The following DOK6 variants were observed in gnomAD, a reference collection of about 807,000 sequenced individuals.
DOK6 encodes the protein downstream of tyrosine kinase 6.
A neutral mutation model predicts 44.0 loss-of-function variants in DOK6; 22 were observed. That is an observed-to-expected ratio of 0.50 (90% CI 0.36 to 0.71). DOK6 has a LOEUF of 0.71. Among genes scored for constraint, DOK6 ranks in the 30% least tolerant of loss-of-function variants. The probability of loss-of-function intolerance (pLI) is 0.00; values close to 1 mark genes in which losing one functional copy is unlikely to be tolerated. For synonymous variants in DOK6, 166 were observed against 145.5 expected, an observed-to-expected ratio of 1.14 and a Z score of -1.01; for missense variants, 340 against 416.4, an observed-to-expected ratio of 0.82 and a Z score of 1.60.
intron 1 of DOK6, among the ~76,000 whole-genome samples, chr18:69,448,330 T>C: frequency 6.6e-6 from 1 of 152,204 alleles, no homozygotes; most frequent in Non-Finnish European, 1.5e-5. Context: ...TACTCTGCCA[T>C]TTGGGTGATG....
intron 5 of DOK6, among the ~76,000 whole-genome samples, chr18:69,709,651 A>C (rs1210658074): frequency 1.3e-5 from 2 of 152,152 alleles, no homozygotes; most frequent in African/African-American, 4.8e-5. Flanking sequence ...ATTAACTCAC[A>C]ATGTCTTATG....
rs185015949 is a variant in DOK6 at position 69,656,865 on chromosome 18, A to G, written c.290-20869A>G. 2.0e-5 allele frequency among the ~76,000 whole-genome samples: 3 copies of G among 152,296 alleles called. No individual in the cohort carries two copies. In the East Asian group the frequency reaches 5.8e-4, roughly 29 times the overall value. On this transcript the variant is annotated intron_variant, in intron 3 of 7. Transcript: ENST00000382713. ...ATACCTGGGAGCTTGTTAGAATGCA[A>G]CTTCTCAGGTTGCACTCCAGATCTT... is the stretch of plus-strand genomic sequence containing the variant.
At chr18:69,610,776 A>C (rs1984119651) in intron 3 of DOK6, among the ~76,000 whole-genome samples, 1 of 152,252 alleles carries the variant, frequency 6.6e-6, no homozygotes. Context: ...ACATATTATA[A>C]GTAATCAGGA....
At chr18:69,800,669 T>C (rs1032851119) in intron 7 of DOK6, among the ~76,000 whole-genome samples, 1 of 152,164 alleles carries the variant, frequency 6.6e-6, no homozygotes, top group Non-Finnish European at 1.5e-5. Flanking sequence ...CTGAAAAGCA[T>C]GGGACATCAT....
chr18:69,446,002 AGTCT>A (rs1979277333), intron 1 of DOK6, among the ~76,000 whole-genome samples: 1 of 151,422 alleles, frequency 6.6e-6, no homozygotes, highest in South Asian at 2.1e-4. Context: ...TTTCGTGGTC[AGTCT>A]ATCAGAAAGT....
intron 6 of DOK6, among the ~76,000 whole-genome samples, chr18:69,739,813 G>A (rs1050051105): frequency 3.3e-5 from 5 of 152,230 alleles, no homozygotes; most frequent in African/African-American, 9.6e-5. Flanking sequence ...TTATAAAGAT[G>A]CATCAGAGTT....
chr18:69,715,631 T>C (rs991253574), intron 5 of DOK6, among the ~76,000 whole-genome samples: 3 of 152,208 alleles, frequency 2.0e-5, no homozygotes, highest in Non-Finnish European at 4.4e-5. Flanking sequence ...TGCAGATGAA[T>C]GAATTCTTCC....
At chr18:69,690,808 T>G (rs1276319286) in intron 4 of DOK6, among the ~76,000 whole-genome samples, 3 of 152,224 alleles carry the variant, frequency 2.0e-5, no homozygotes, top group Non-Finnish European at 4.4e-5. Context: ...GTCTCTGGTC[T>G]TTTGCCTAAA....
rs187212919 is a variant in DOK6 at position 69,510,075 on chromosome 18, A to G, written c.67-54412A>G. Among the ~76,000 whole-genome samples, 76 of 152,338 alleles carry G rather than the reference A, an allele frequency of 5.0e-4. 1 individual carries two copies. The highest frequency in any genetic ancestry group is 7.5e-4 in the Non-Finnish European group (51 of 68,020). The stretch of plus-strand genomic sequence containing the variant: ...GCTTTTACCCTGAGACTACTTTGCT[A>G]GGAGACTAATGCTCTAATTTGTGTT... On this transcript the variant is annotated intron_variant, in intron 1 of 7. Coordinates refer to ENST00000382713, the MANE Select transcript of DOK6 (RefSeq NM_152721.6).
chr18:69,566,361 C>T (rs1288105356), intron 2 of DOK6, among the ~76,000 whole-genome samples: 1 of 152,122 alleles, frequency 6.6e-6, no homozygotes, highest in Non-Finnish European at 1.5e-5. Context: ...TGGTCTCGAT[C>T]TTCTGACCTT....
chr18:69,463,539 C>T (rs1161494260), intron 1 of DOK6, among the ~76,000 whole-genome samples: 2 of 152,162 alleles, frequency 1.3e-5, no homozygotes, highest in Admixed American at 1.3e-4. Flanking sequence ...ATTAAGCTAA[C>T]TGAAACACTA....
chr18:69,483,083 A>C (rs1007091395), intron 1 of DOK6, among the ~76,000 whole-genome samples: 2 of 151,738 alleles, frequency 1.3e-5, no homozygotes, highest in Non-Finnish European at 2.9e-5. Context: ...ATTGTACTCT[A>C]TGTGTTCATG....
At chr18:69,525,922 G>A (rs1212955275) in intron 1 of DOK6, among the ~76,000 whole-genome samples, 1 of 151,752 alleles carries the variant, frequency 6.6e-6, no homozygotes, top group Non-Finnish European at 1.5e-5. Context: ...TATTTGTATG[G>A]CTCATGAAAC....
chr18:69,532,655 G>C (rs1982016770), intron 1 of DOK6: 1 of 152,216 alleles, frequency 6.6e-6, no homozygotes, highest in Non-Finnish European at 1.5e-5. Flanking sequence ...GAGGCCGGGA[G>C]TTAGAGACCA....
At chr18:69,495,958 G>A (rs1038417293) in intron 1 of DOK6, among the ~76,000 whole-genome samples, 1 of 152,208 alleles carries the variant, frequency 6.6e-6, no homozygotes, top group Non-Finnish European at 1.5e-5. Context: ...CGGGTGCCGG[G>A]AATGGAGAGA....
rs368608517 is a variant in DOK6, at chr18:69,555,089, C to A, written c.67-9398C>A. On this transcript the variant is annotated intron_variant, in intron 1 of 7. Coordinates refer to ENST00000382713, the MANE Select transcript of DOK6 (RefSeq NM_152721.6). ...CTTGGTTTTTGATTCTCTGATAATTCTTTCCTAATATGTAAAAATTTATAT... is the reference window on the plus strand; with the variant it reads ...CTTGGTTTTTGATTCTCTGATAATTATTTCCTAATATGTAAAAATTTATAT... Among the ~76,000 whole-genome samples, 3 of 152,172 alleles carry A rather than the reference C, an allele frequency of 2.0e-5. No individual in the cohort carries two copies. In the East Asian group the frequency reaches 5.8e-4, roughly 29 times the overall value.
intron 5 of DOK6, among the ~76,000 whole-genome samples, chr18:69,716,692 C>CA (rs11351701): frequency 0.034 from 3,608 of 104,690 alleles, 111 homozygotes; most frequent in African/African-American, 0.07. Context: ...GCAGAATTGA[C>CA]AAAAAAAAAA....
At chr18:69,839,681 G>A (rs555872873) in intron 7 of DOK6, among the ~76,000 whole-genome samples, 10 of 152,352 alleles carry the variant, frequency 6.6e-5, no homozygotes, top group African/African-American at 2.4e-4. Context: ...CCTCAGGCCT[G>A]CGGGCCAGGC....
At chr18:69,662,480 T>G (rs1985555011) in intron 3 of DOK6, 1 of 152,246 alleles carries the variant, frequency 6.6e-6, no homozygotes, top group African/African-American at 2.4e-5. Flanking sequence ...TTACTCTAAC[T>G]ATATTCTCAG....
Sources: allele counts gnomAD v4.1 joint callset (sites outside exome capture counted in the v4.1 genomes callset), GRCh38; gene constraint gnomAD v4.1.1; transcripts MANE v1.5; gene names NCBI Gene and HGNC (gene_info 2026-07-23, HGNC 2026-07-21).